RIMS1: variants seen among roughly 807,000 people sequenced by gnomAD.
RIMS1 encodes regulating synaptic membrane exocytosis 1, also known as regulating synaptic membrane exocytosis protein 1.
RIMS1 carries 83 observed loss-of-function variants against 214.1 expected under a neutral mutation model. That is an observed-to-expected ratio of 0.39 (90% confidence interval 0.32 to 0.47). The LOEUF is 0.47. Among genes scored for constraint, RIMS1 ranks in the 20% least tolerant of loss-of-function variants. The pLI is 0.99. For synonymous variants in RIMS1, 793 were observed against 786.8 expected (o/e 1.01, Z -0.13); for missense variants, 2,050 against 2,161.8 (o/e 0.95, Z 1.03).
At chr6:72,210,839 C>T (rs1589165863) in intron 6 of RIMS1, among the ~76,000 whole-genome samples, 1 of 152,066 alleles carries the variant, frequency 6.6e-6, no homozygotes. Context: ...TTTTCTTTTA[C>T]TCCAGTGCTT....
intron 2 of RIMS1, among the ~76,000 whole-genome samples, chr6:71,969,397 T>A (rs966523995): frequency 3.9e-5 from 6 of 152,196 alleles, no homozygotes; most frequent in African/African-American, 1.4e-4. Flanking sequence ...CAGAGAAGTA[T>A]GGAGGCAAGA....
At chr6:72,069,369 C>T (rs1830070081) in intron 2 of RIMS1, among the ~76,000 whole-genome samples, 3 of 152,224 alleles carry the variant, frequency 2.0e-5, no homozygotes, top group Non-Finnish European at 4.4e-5. Flanking sequence ...CTGTAGCTCA[C>T]TGTCCAGCTT....
At chr6:72,054,501 C>T (rs374832169) in intron 2 of RIMS1, among the ~76,000 whole-genome samples, 1 of 152,168 alleles carries the variant, frequency 6.6e-6, no homozygotes. Flanking sequence ...GGAATCACAA[C>T]ACTGTCTTCC....
At chr6:71,913,742 A>G (rs533300962) in intron 1 of RIMS1, among the ~76,000 whole-genome samples, 88 of 152,156 alleles carry the variant, frequency 5.8e-4, no homozygotes, top group African/African-American at 1.9e-3. Flanking sequence ...TCATTTCCCA[A>G]TCTGTGAGTT....
intron 1 of RIMS1, among the ~76,000 whole-genome samples, chr6:71,931,419 T>A (rs1440188025): frequency 2.0e-5 from 3 of 152,050 alleles, no homozygotes; most frequent in Non-Finnish European, 2.9e-5. Context: ...TTATCTGTCA[T>A]CTAATAATAA....
chr6:71,893,654 GGATGCCTTA>G (rs1370032191), intron 1 of RIMS1, among the ~76,000 whole-genome samples: 1 of 152,088 alleles, frequency 6.6e-6, no homozygotes, highest in East Asian at 1.9e-4. Context: ...ATTCTTTATT[GGATGCCTTA>G]GGTTTTCTGT....
chr6:72,366,474 A>C (rs544378807), intron 29 of RIMS1, among the ~76,000 whole-genome samples: 1 of 152,302 alleles, frequency 6.6e-6, no homozygotes, highest in East Asian at 1.9e-4. Context: ...ATTTGATTTA[A>C]ATGTCTTTGT....
Position 71,886,884 on chromosome 6 carries a change from T to TGCCGCC in RIMS1, c.-131_-126dup, listed in dbSNP as rs1168677278. On this transcript the variant is annotated 5_prime_UTR_variant, in exon 1 of 34. Coordinates refer to ENST00000521978, the MANE Select transcript of RIMS1 (RefSeq NM_014989.7). ...TCCCCGGCTCTGCTGCTGCTGCTGC[T>TGCCGCC]GCCGCCGCCGCCGCTGCTCCTCCTC... 26 of 869,308 alleles carry TGCCGCC rather than the reference T, an allele frequency of 3.0e-5. No individual in the cohort carries two copies. Among genetic ancestry groups the TGCCGCC allele is most frequent in the Non-Finnish European group, 4.1e-5 (23 of 561,100 alleles). 53.8% of individuals were successfully genotyped at this position (869,308 alleles called of 1,614,324 possible).
rs75441400 is a variant in RIMS1, at chr6:72,278,264, A to G, written c.3482+3832A>G. 1.9e-3 allele frequency among the ~76,000 whole-genome samples: 296 copies of G among 152,156 alleles called. 7 individuals are homozygous for G. In the East Asian group the frequency reaches 0.054, roughly 28 times the overall value. ...AATACCAAAAATATTTGGTTAAATA[A>G]TCTTATTTCCAGAACTTTAAATTTT... is the stretch of plus-strand genomic sequence containing the variant. On this transcript the variant is annotated intron_variant, in intron 23 of 33. Coordinates refer to ENST00000521978, the MANE Select transcript of RIMS1 (RefSeq NM_014989.7).
Position 72,182,556 on chromosome 6 carries a change from C to G in RIMS1, c.1085C>G (p.Ala362Gly), listed in dbSNP as rs1044879996. Reference sequence around the variant, plus strand: ...AGGTACCGCAGCGACCCGAACCTAGCTCGGTACCCGGTGAAACCGCCGCCT... The same window carrying G: ...AGGTACCGCAGCGACCCGAACCTAGGTCGGTACCCGGTGAAACCGCCGCCT... ...QTRYRSDPNL[A>G]RYPVKPPPEE... is the part of the protein sequence containing the mutation. Residue 362 changes from alanine to glycine, a missense_variant, in exon 6 of 34, where the codon GCT (alanine) becomes GGT (glycine). By Grantham distance (60) the Ala-to-Gly change is moderately conservative (BLOSUM62 0). Coordinates refer to ENST00000521978, the MANE Select transcript of RIMS1 (RefSeq NM_014989.7). 1.3e-6 allele frequency: 2 copies of G among 1,551,226 alleles called. No homozygotes were observed. Among genetic ancestry groups the G allele is most frequent in the African/African-American group, 1.4e-5 (1 of 73,052 alleles).
At chr6:72,377,387 ATT>A (rs2098409046) in intron 29 of RIMS1, among the ~76,000 whole-genome samples, 1 of 152,144 alleles carries the variant, frequency 6.6e-6, no homozygotes. Flanking sequence ...GAGGCAGGAA[ATT>A]CTAGGATTCC....
At chr6:72,099,762 G>A (rs1455124113) in intron 3 of RIMS1, among the ~76,000 whole-genome samples, 3 of 151,898 alleles carry the variant, frequency 2.0e-5, no homozygotes, top group African/African-American at 4.8e-5. Flanking sequence ...ACATATAGCA[G>A]GACCCATAAT....
chr6:72,384,513 T>C (rs1278402124), intron 29 of RIMS1, among the ~76,000 whole-genome samples: 2 of 152,172 alleles, frequency 1.3e-5, no homozygotes, highest in Non-Finnish European at 2.9e-5. Flanking sequence ...TTGACACACT[T>C]ACTTCTTCTG....
intron 2 of RIMS1, among the ~76,000 whole-genome samples, chr6:72,050,281 GT>G (rs932099438): frequency 9.9e-5 from 15 of 151,832 alleles, no homozygotes; most frequent in African/African-American, 3.4e-4. Context: ...CAAATTATTT[GT>G]TTTTTTTCCA....
intron 2 of RIMS1, among the ~76,000 whole-genome samples, chr6:72,026,536 T>C (rs1816582408): frequency 6.7e-6 from 1 of 149,568 alleles, no homozygotes; most frequent in African/African-American, 2.4e-5. Context: ...ATTTGGGTTT[T>C]TGGAACTCTT....
chr6:71,975,718 G>A (rs989212465), intron 2 of RIMS1, among the ~76,000 whole-genome samples: 3 of 152,158 alleles, frequency 2.0e-5, no homozygotes, highest in South Asian at 2.1e-4. Flanking sequence ...ATACCTTTTA[G>A]CTTTCATTAC....
chr6:72,380,252 T>G (rs2098463556), intron 29 of RIMS1, among the ~76,000 whole-genome samples: 1 of 151,392 alleles, frequency 6.6e-6, no homozygotes. Flanking sequence ...TGTCGTGGGG[T>G]GGAAGGATGG....
At chr6:72,198,554 A>T (rs777742845) in intron 6 of RIMS1, among the ~76,000 whole-genome samples, 1 of 151,972 alleles carries the variant, frequency 6.6e-6, no homozygotes, top group Non-Finnish European at 1.5e-5. Context: ...GTACAAACTT[A>T]CAGTTAGATA....
At chr6:72,333,572 CAT>C in intron 28 of RIMS1, 26 bp from the exon 29 acceptor site, 2 of 1,456,614 alleles carry the variant, frequency 1.4e-6, no homozygotes, top group Non-Finnish European at 1.9e-6. Flanking sequence ...TTTATGGATG[CAT>C]ATATGTTTTT....
Sources: allele counts gnomAD v4.1 joint callset (sites outside exome capture counted in the v4.1 genomes callset), GRCh38; gene constraint gnomAD v4.1.1; transcripts MANE v1.5; gene names NCBI Gene and HGNC (gene_info 2026-07-23, HGNC 2026-07-21).